Variants in GABRB2 observed in about 807,000 individuals in gnomAD.
GABRB2 encodes gamma-aminobutyric acid type A receptor subunit beta2, also known as gamma-aminobutyric acid receptor subunit beta-2.
In GABRB2, 16 loss-of-function variants were observed where a neutral mutation model predicts 54.7. The ratio of observed to expected loss-of-function variants is 0.29; its 90% CI spans 0.20 to 0.44. GABRB2 has a LOEUF of 0.44. Among genes scored for constraint, GABRB2 ranks in the 20% least tolerant of loss-of-function variants. GABRB2 has a pLI of 1.00. For synonymous variants in GABRB2, 244 were observed against 233.8 expected (o/e 1.04, Z -0.40); for missense variants, 355 against 644.0 (o/e 0.55, Z 4.86).
At chr5:161,357,916 C>T (rs1356673641) in intron 5 of GABRB2, among the ~76,000 whole-genome samples, 2 of 151,962 alleles carry the variant, frequency 1.3e-5, no homozygotes, top group Non-Finnish European at 2.9e-5. Flanking sequence ...AAGTTTTGGA[C>T]ATACAAATTT....
intron 3 of GABRB2, among the ~76,000 whole-genome samples, chr5:161,530,137 C>T (rs189884000): frequency 1.3e-5 from 2 of 152,042 alleles, no homozygotes; most frequent in African/African-American, 4.8e-5. Context: ...GTGCACTATG[C>T]ACTAAAACAA....
intron 5 of GABRB2, among the ~76,000 whole-genome samples, chr5:161,402,633 G>A (rs1043809283): frequency 6.6e-6 from 1 of 152,156 alleles, no homozygotes; most frequent in African/African-American, 2.4e-5. Flanking sequence ...GCTAAGGAGA[G>A]AGCCGATCTT....
chr5:161,297,107 T>C (rs1432546361), intron 9 of GABRB2, among the ~76,000 whole-genome samples: 1 of 150,906 alleles, frequency 6.6e-6, no homozygotes, highest in East Asian at 2.0e-4. Context: ...AGTGATGAAA[T>C]TTCTATAGGT....
chr5:161,383,409 C>T (rs1755527835), intron 5 of GABRB2, among the ~76,000 whole-genome samples: 1 of 151,328 alleles, frequency 6.6e-6, no homozygotes, highest in African/African-American at 2.4e-5. Context: ...ATGGATGATT[C>T]CAAACATATA....
At chr5:161,484,932 G>T (rs1684025119) in intron 3 of GABRB2, among the ~76,000 whole-genome samples, 1 of 151,914 alleles carries the variant, frequency 6.6e-6, no homozygotes, top group Non-Finnish European at 1.5e-5. Context: ...TCTTAGTATG[G>T]GTTATGAGGA....
chr5:161,339,372 C>T (rs1166596170), intron 5 of GABRB2, among the ~76,000 whole-genome samples: 1 of 151,978 alleles, frequency 6.6e-6, no homozygotes, highest in African/African-American at 2.4e-5. Context: ...AACTAGACAC[C>T]AACCCTTTCT....
chr5:161,487,103 T>C (rs190379378), intron 3 of GABRB2, among the ~76,000 whole-genome samples: 1 of 152,084 alleles, frequency 6.6e-6, no homozygotes, highest in African/African-American at 2.4e-5. Flanking sequence ...CTGCCTGCCT[T>C]TGTGAAAACA....
chr5:161,394,297 TA>T (rs930443987), intron 5 of GABRB2, among the ~76,000 whole-genome samples: 2 of 151,804 alleles, frequency 1.3e-5, no homozygotes, highest in Admixed American at 6.6e-5. Context: ...AGTATCATCT[TA>T]AAAAAATCTA....
At chr5:161,480,514 A>G (rs1758731088) in intron 3 of GABRB2, among the ~76,000 whole-genome samples, 2 of 152,048 alleles carry the variant, frequency 1.3e-5, no homozygotes, top group South Asian at 4.1e-4. Context: ...TAAGATTATT[A>G]TAAGAATTAA....
chr5:161,376,757 C>T (rs1755315978), intron 5 of GABRB2, among the ~76,000 whole-genome samples: 1 of 152,090 alleles, frequency 6.6e-6, no homozygotes, highest in Non-Finnish European at 1.5e-5. Context: ...TACCCTAATT[C>T]CTGCAATGCA....
At chr5:161,388,592 ATAATT>A (rs1755718595) in intron 5 of GABRB2, among the ~76,000 whole-genome samples, 1 of 152,018 alleles carries the variant, frequency 6.6e-6, no homozygotes, top group African/African-American at 2.4e-5. Flanking sequence ...TAATTAAAGA[ATAATT>A]TAAGAATTAA....
intron 5 of GABRB2, among the ~76,000 whole-genome samples, chr5:161,354,236 T>C (rs1412975671): frequency 1.3e-5 from 2 of 152,040 alleles, no homozygotes; most frequent in South Asian, 2.1e-4. Context: ...TACCAGCTGA[T>C]TCTGATACAA....
At chr5:161,448,006 G>C (rs556912283) in intron 4 of GABRB2, among the ~76,000 whole-genome samples, 3 of 152,216 alleles carry the variant, frequency 2.0e-5, no homozygotes, top group African/African-American at 7.2e-5. Flanking sequence ...TTCCCCTTTA[G>C]AATGATTATT....
chr5:161,454,496 A>T (rs879553956), intron 4 of GABRB2, among the ~76,000 whole-genome samples: 1 of 152,210 alleles, frequency 6.6e-6, no homozygotes, highest in Non-Finnish European at 1.5e-5. Flanking sequence ...ACACAAAGAA[A>T]CTAGTGTCTT....
chr5:161,500,448 TA>T (rs1759397069), intron 3 of GABRB2, among the ~76,000 whole-genome samples: 2 of 152,304 alleles, frequency 1.3e-5, no homozygotes, highest in African/African-American at 4.8e-5. Flanking sequence ...GTTACCAGGA[TA>T]AAATGTATAT....
intron 5 of GABRB2, among the ~76,000 whole-genome samples, chr5:161,379,342 A>G (rs185843402): frequency 1.8e-3 from 268 of 152,234 alleles, no homozygotes; most frequent in South Asian, 4.6e-3. Context: ...ACACCTCCTT[A>G]ATATTCCAAG....
chr5:161,508,443 G>C (rs1284099913), intron 3 of GABRB2, among the ~76,000 whole-genome samples: 1 of 151,216 alleles, frequency 6.6e-6, no homozygotes, highest in South Asian at 2.1e-4. Context: ...AATGGGATTT[G>C]CATGCAATTC....
intron 4 of GABRB2, among the ~76,000 whole-genome samples, chr5:161,426,647 A>C (rs1757006319): frequency 6.6e-6 from 1 of 152,136 alleles, no homozygotes; most frequent in African/African-American, 2.4e-5. Flanking sequence ...AAAGAATTAA[A>C]GCAGAATGAA....
At position 161,469,138 on chromosome 5, in the gene GABRB2, A is replaced by G. The variant is rs567975750; in HGVS notation, c.238-9294T>C. Among the ~76,000 whole-genome samples the G allele has an allele frequency of 7.9e-5, 12 of 151,970 alleles. No homozygotes were observed. In the South Asian group the frequency reaches 2.5e-3, roughly 32 times the overall value. Reference sequence around the variant, plus strand: ...TCTCTGTGTGATGACATGTCAAGTGATTTTCAATTATTTTTGTTAATCTGT... The same window carrying G: ...TCTCTGTGTGATGACATGTCAAGTGGTTTTCAATTATTTTTGTTAATCTGT... On this transcript the variant is annotated intron_variant, in intron 3 of 9. Coordinates refer to ENST00000393959, the MANE Select transcript of GABRB2 (RefSeq NM_001371727.1).
Sources: allele counts gnomAD v4.1 joint callset (sites outside exome capture counted in the v4.1 genomes callset), GRCh38; gene constraint gnomAD v4.1.1; transcripts MANE v1.5; gene names NCBI Gene and HGNC (gene_info 2026-07-23, HGNC 2026-07-21).